Variants in NCALD observed in about 807,000 individuals in gnomAD.
NCALD encodes neurocalcin-delta.
Under a neutral mutation model 18.6 loss-of-function variants are expected in NCALD, and 10 were observed. The ratio of observed to expected loss-of-function variants is 0.54; its 90% confidence interval spans 0.33 to 0.91. The LOEUF is 0.91. Among genes scored for constraint, NCALD ranks in the 40% least tolerant of loss-of-function variants. NCALD has a pLI of 0.03. For synonymous variants in NCALD, 88 were observed against 87.4 expected, an observed-to-expected ratio of 1.01 and a Z score of -0.04; for missense variants, 184 against 247.6, an observed-to-expected ratio of 0.74 and a Z score of 1.72.
chr8:101,968,932 C>T (rs761959834), intron 2 of NCALD, among the ~76,000 whole-genome samples: 25 of 152,138 alleles, frequency 1.6e-4, no homozygotes, highest in Non-Finnish European at 2.9e-4. Flanking sequence ...AAAATGCAAT[C>T]CAAGCATCTC....
intron 3 of NCALD, among the ~76,000 whole-genome samples, chr8:101,907,398 T>G (rs1452126022): frequency 6.6e-6 from 1 of 152,148 alleles, no homozygotes; most frequent in African/African-American, 2.4e-5. Context: ...CCATACTCTC[T>G]AGAGCCACTT....
At chr8:101,871,994 C>T (rs1257566492) in intron 4 of NCALD, 10 of 874,872 alleles carry the variant, frequency 1.1e-5, no homozygotes, top group East Asian at 2.4e-5. Context: ...AGGTTCATGC[C>T]GCCAAACACC....
chr8:101,860,118 A>T (rs893008373), intron 4 of NCALD, among the ~76,000 whole-genome samples: 2 of 152,242 alleles, frequency 1.3e-5, no homozygotes, highest in Admixed American at 1.3e-4. Context: ...AATGATTTCC[A>T]GTGAAGAATT....
intron 2 of NCALD, among the ~76,000 whole-genome samples, chr8:101,934,346 A>C (rs904178942): frequency 2.0e-5 from 3 of 152,168 alleles, no homozygotes; most frequent in Admixed American, 2.0e-4. Flanking sequence ...GAGAGCAAGA[A>C]AGGGAAGAAT....
chr8:101,895,035 C>T (rs1016388236), intron 3 of NCALD, among the ~76,000 whole-genome samples: 1 of 150,220 alleles, frequency 6.7e-6, no homozygotes, highest in African/African-American at 2.5e-5. Flanking sequence ...CATTCTGATA[C>T]CAAAGCCGGG....
chr8:101,950,947 C>A (rs1267909059), intron 2 of NCALD, among the ~76,000 whole-genome samples: 1 of 152,210 alleles, frequency 6.6e-6, no homozygotes, highest in Non-Finnish European at 1.5e-5. Context: ...GTACTAAACA[C>A]TACAGTGTGT....
At chr8:101,991,630 T>A (rs942473976) in intron 2 of NCALD, among the ~76,000 whole-genome samples, 1 of 151,932 alleles carries the variant, frequency 6.6e-6, no homozygotes, top group South Asian at 2.1e-4. Context: ...CTGGTGCCAA[T>A]AGAGGAAGGC....
chr8:102,060,980 C>G (rs1823829652), intron 1 of NCALD, among the ~76,000 whole-genome samples: 2 of 152,164 alleles, frequency 1.3e-5, no homozygotes, highest in Admixed American at 6.6e-5. Flanking sequence ...TCATTTTCCA[C>G]CATTTAGCTT....
chr8:101,917,198 A>G (rs774159156), intron 2 of NCALD, among the ~76,000 whole-genome samples: 1 of 152,124 alleles, frequency 6.6e-6, no homozygotes. Flanking sequence ...AGATCTCTCA[A>G]AATTGCAAAA....
At position 101,688,000 on chromosome 8, in the gene NCALD, A is replaced by C. The variant is rs1332486879; in HGVS notation, c.*1309T>G. 1 of 152,270 alleles carries C rather than the reference A, an allele frequency of 6.6e-6. No homozygotes were observed. 9.4% of individuals were successfully genotyped at this position (152,270 alleles called of 1,614,324 possible). ...TTTATGATGAATTTGATGACTGCCC[A>C]ACCTCTGATTCTTTAACAGGGGCAG... On this transcript the variant is annotated 3_prime_UTR_variant, in exon 4 of 4. Coordinates refer to ENST00000220931, the MANE Select transcript of NCALD (RefSeq NM_032041.3).
At chr8:101,754,729 G>GTTAA (rs142011986) in intron 1 of NCALD, among the ~76,000 whole-genome samples, 1 of 152,278 alleles carries the variant, frequency 6.6e-6, no homozygotes, top group Non-Finnish European at 1.5e-5. Flanking sequence ...GCTCAGGAGG[G>GTTAA]TTAAGTTCAA....
chr8:101,850,941 G>A (rs1160032543), intron 4 of NCALD, among the ~76,000 whole-genome samples: 1 of 152,158 alleles, frequency 6.6e-6, no homozygotes, highest in Non-Finnish European at 1.5e-5. Context: ...GTTTACTCAA[G>A]AAAGCAAAAG....
chr8:102,110,978 T>C (rs1474930184), intron 1 of NCALD, among the ~76,000 whole-genome samples: 1 of 152,042 alleles, frequency 6.6e-6, no homozygotes, highest in Non-Finnish European at 1.5e-5. Flanking sequence ...AAAAAAATAA[T>C]TTAAAAAATA....
intron 1 of NCALD, among the ~76,000 whole-genome samples, chr8:102,084,114 G>C (rs897211884): frequency 6.6e-6 from 1 of 152,146 alleles, no homozygotes; most frequent in Non-Finnish European, 1.5e-5. Context: ...TCTTGTTCAT[G>C]CCTTTTCTTT....
At chr8:101,993,813 C>T (rs1490522054) in intron 2 of NCALD, among the ~76,000 whole-genome samples, 1 of 152,210 alleles carries the variant, frequency 6.6e-6, no homozygotes, top group Admixed American at 6.5e-5. Flanking sequence ...ACTTTACCAC[C>T]TATCACTGTG....
chr8:101,716,716 A>T (rs1816103122), intron 2 of NCALD, among the ~76,000 whole-genome samples: 1 of 152,256 alleles, frequency 6.6e-6, no homozygotes, highest in Non-Finnish European at 1.5e-5. Flanking sequence ...ACAGGAAGAC[A>T]AACTTTGCAG....
At chr8:102,034,685 C>T (rs1468751701) in intron 1 of NCALD, among the ~76,000 whole-genome samples, 1 of 152,070 alleles carries the variant, frequency 6.6e-6, no homozygotes, top group African/African-American at 2.4e-5. Flanking sequence ...TCTGGCAGTG[C>T]CTTCAATGGC....
rs1005081933 is a variant in NCALD, at chr8:101,763,966, C to A, written c.-20+26896G>T. ...TTATGACAAATTTCTCTCTCTCTCT[C>A]CACACACACACACACACACACACAC... On this transcript the variant is annotated intron_variant, in intron 1 of 3. Coordinates refer to ENST00000220931, the MANE Select transcript of NCALD (RefSeq NM_032041.3). Among the ~76,000 whole-genome samples, 5 of 85,298 alleles carry A rather than the reference C, an allele frequency of 5.9e-5. No homozygotes were observed. In the East Asian group the frequency reaches 1.4e-3, roughly 24 times the overall value. 56.0% of individuals were successfully genotyped at this position (85,298 alleles called of 152,430 possible).
At chr8:101,894,702 A>G (rs192491116) in intron 3 of NCALD, among the ~76,000 whole-genome samples, 4 of 151,518 alleles carry the variant, frequency 2.6e-5, no homozygotes, top group Admixed American at 2.6e-4. Flanking sequence ...TCCCACAGAA[A>G]TACAAACTAC....
Sources: gnomAD v4.1 joint callset for allele counts (sites outside exome capture counted in the v4.1 genomes callset) on GRCh38, gnomAD v4.1.1 for gene constraint, MANE v1.5 for transcripts, NCBI Gene and HGNC (gene_info 2026-07-23, HGNC 2026-07-21) for gene names.